SORCS3: variants seen among roughly 807,000 people sequenced by gnomAD.
SORCS3 encodes sortilin related VPS10 domain containing receptor 3.
In SORCS3, 57 loss-of-function variants were observed where a neutral mutation model predicts 146.3. The ratio of observed to expected loss-of-function variants is 0.39; its 90% CI spans 0.31 to 0.49. The LOEUF is 0.49. Ranked by LOEUF, SORCS3 falls within the 20% of genes least tolerant of loss-of-function variation. The probability of loss-of-function intolerance (pLI) is 0.92; values close to 1 mark genes in which losing one functional copy is unlikely to be tolerated. For missense variants in SORCS3, 1,341 were observed against 1,575.5 expected (o/e 0.85, Z 2.52); for synonymous variants, 653 against 618.5 (o/e 1.06, Z -0.83).
chr10:105,063,638 A>G (rs975849527), intron 5 of SORCS3, among the ~76,000 whole-genome samples: 2 of 152,198 alleles, frequency 1.3e-5, no homozygotes, highest in Non-Finnish European at 2.9e-5. Flanking sequence ...TGGTGGAGGT[A>G]GACCCAGTAA....
At chr10:105,244,035 C>T (rs908268413) in intron 20 of SORCS3, among the ~76,000 whole-genome samples, 15 of 152,118 alleles carry the variant, frequency 9.9e-5, no homozygotes, top group African/African-American at 3.4e-4. Flanking sequence ...ATCCTGCTGT[C>T]GTCCTGACAC....
intron 3 of SORCS3, among the ~76,000 whole-genome samples, chr10:104,940,801 G>A (rs1278983661): frequency 2.0e-5 from 3 of 152,166 alleles, no homozygotes; most frequent in South Asian, 2.1e-4. Flanking sequence ...TCATGAAAAC[G>A]GCCATACTGC....
intron 22 of SORCS3, among the ~76,000 whole-genome samples, chr10:105,249,031 C>G (rs1283056541): frequency 6.6e-6 from 1 of 152,138 alleles, no homozygotes; most frequent in Non-Finnish European, 1.5e-5. Flanking sequence ...CTGCAGTTAT[C>G]TAGGCCAGAA....
intron 14 of SORCS3, among the ~76,000 whole-genome samples, chr10:105,184,108 G>A (rs888401522): frequency 2.6e-5 from 4 of 152,224 alleles, no homozygotes; most frequent in African/African-American, 7.2e-5. Flanking sequence ...CACTTGCAGG[G>A]AAGAGTTTTG....
chr10:104,908,317 G>A (rs775765943), intron 2 of SORCS3, among the ~76,000 whole-genome samples: 7 of 152,166 alleles, frequency 4.6e-5, no homozygotes, highest in South Asian at 2.1e-4. Context: ...TTGGGTATCC[G>A]TGTGCCTCAC....
intron 1 of SORCS3, among the ~76,000 whole-genome samples, chr10:104,779,105 G>C (rs1239653317): frequency 3.3e-5 from 5 of 152,170 alleles, no homozygotes; most frequent in African/African-American, 1.2e-4. Context: ...ATGAGTCAAG[G>C]AATGTCACCA....
At chr10:105,163,754 G>A (rs2056286774) in intron 11 of SORCS3, among the ~76,000 whole-genome samples, 1 of 152,036 alleles carries the variant, frequency 6.6e-6, no homozygotes, top group African/African-American at 2.4e-5. Flanking sequence ...TGCTGAGTGT[G>A]GTCATCTTCT....
At chr10:104,854,940 A>T in intron 2 of SORCS3, among the ~76,000 whole-genome samples, 1 of 152,260 alleles carries the variant, frequency 6.6e-6, no homozygotes, top group East Asian at 1.9e-4. Context: ...ATGTACGTCA[A>T]TTTGTTTAAC....
intron 3 of SORCS3, among the ~76,000 whole-genome samples, chr10:104,967,144 A>G (rs540183160): frequency 2.2e-4 from 34 of 152,206 alleles, no homozygotes; most frequent in African/African-American, 7.5e-4. Flanking sequence ...TAGTCATCCA[A>G]TGAAGAGATG....
intron 9 of SORCS3, among the ~76,000 whole-genome samples, 156 bp downstream of exon 9, chr10:105,147,952 C>G (rs1037305729): frequency 2.9e-4 from 44 of 151,864 alleles, no homozygotes; most frequent in Non-Finnish European, 4.4e-5. Context: ...TGCCTCAATT[C>G]TAGTAAAATA....
chr10:104,812,290 A>C (rs1342274803), intron 1 of SORCS3, among the ~76,000 whole-genome samples: 1 of 152,188 alleles, frequency 6.6e-6, no homozygotes, highest in African/African-American at 2.4e-5. Flanking sequence ...CTAAAATGTC[A>C]GAGTAAGGAC....
chr10:105,026,534 C>A (rs149783654), intron 4 of SORCS3, among the ~76,000 whole-genome samples: 19 of 152,188 alleles, frequency 1.2e-4, no homozygotes, highest in African/African-American at 4.3e-4. Flanking sequence ...CTTGTATGTT[C>A]ATGACAGCAC....
At chr10:104,645,016 T>C (rs970202406) in intron 1 of SORCS3, among the ~76,000 whole-genome samples, 1 of 152,146 alleles carries the variant, frequency 6.6e-6, no homozygotes, top group Non-Finnish European at 1.5e-5. Context: ...GGCTGGGTAT[T>C]TGCCTTGGTC....
At chr10:105,105,336 A>C in intron 6 of SORCS3, 61 bp from the exon 7 acceptor site, 1 of 1,062,670 alleles carries the variant, frequency 9.4e-7, no homozygotes, top group East Asian at 2.4e-5. Context: ...TTTGTATGCT[A>C]CCTGGGGCTC....
At chr10:105,188,694 A>T (rs1216768977) in intron 14 of SORCS3, among the ~76,000 whole-genome samples, 1 of 152,204 alleles carries the variant, frequency 6.6e-6, no homozygotes, top group Admixed American at 6.5e-5. Flanking sequence ...GTTATTGTGT[A>T]TTTTAAAAAT....
At chr10:104,958,776 T>A (rs889735662) in intron 3 of SORCS3, among the ~76,000 whole-genome samples, 1 of 152,140 alleles carries the variant, frequency 6.6e-6, no homozygotes, top group African/African-American at 2.4e-5. Flanking sequence ...CAGTTCCACA[T>A]GGCTGAGGAG....
intron 3 of SORCS3, among the ~76,000 whole-genome samples, chr10:104,946,747 C>T (rs2019375330): frequency 6.6e-6 from 1 of 152,190 alleles, no homozygotes; most frequent in African/African-American, 2.4e-5. Context: ...TTATCTTTCT[C>T]CTCTTCTTCT....
chr10:104,949,313 G>A (rs992633771), intron 3 of SORCS3, among the ~76,000 whole-genome samples: 7 of 152,150 alleles, frequency 4.6e-5, no homozygotes, highest in African/African-American at 1.4e-4. Context: ...TATATGCCAT[G>A]GGGAAAGAGA....
At chr10:105,235,345 T>C (rs1054188795) in intron 20 of SORCS3, among the ~76,000 whole-genome samples, 2 of 152,048 alleles carry the variant, frequency 1.3e-5, no homozygotes, top group Admixed American at 1.3e-4. Context: ...TTCTTTAACA[T>C]TTGTTGGGAG....
Sources: gnomAD v4.1 joint callset for allele counts (sites outside exome capture counted in the v4.1 genomes callset) on GRCh38, gnomAD v4.1.1 for gene constraint, MANE v1.5 for transcripts, NCBI Gene and HGNC (gene_info 2026-07-23, HGNC 2026-07-21) for gene names.